Variants in LRRC71 observed in about 807,000 individuals in gnomAD.
LRRC71 encodes leucine-rich repeat-containing protein 71.
LRRC71 carries 54 observed loss-of-function variants against 66.6 expected under a neutral mutation model. The ratio of observed to expected loss-of-function variants is 0.81; its 90% CI spans 0.65 to 1.02. The LOEUF is 1.02. LRRC71 is among the 50% of genes least tolerant of loss of function. The pLI, the probability that LRRC71 is intolerant of heterozygous loss-of-function variation, is 0.00. For synonymous variants in LRRC71, 323 were observed against 303.9 expected (o/e 1.06, Z -0.65); for missense variants, 724 against 718.0 (o/e 1.01, Z -0.10).
intron 12 of LRRC71, among the ~76,000 whole-genome samples, chr1:156,931,061 C>T (rs1269307248): frequency 6.6e-6 from 1 of 152,280 alleles, no homozygotes; most frequent in Non-Finnish European, 1.5e-5. Context: ...CACTGCCCCA[C>T]GCTACCCTGT....
chr1:156,927,906 C>T lies in LRRC71; in HGVS notation c.907-9C>T, dbSNP rs1653480132. 3.1e-6 allele frequency: 5 copies of T among 1,611,196 alleles called. No individual in the cohort carries two copies. The highest frequency in any genetic ancestry group is 1.1e-5 in the South Asian group (1 of 90,576). ...AGGCGTCCGACCGCTGAGCGCCCGC[C>T]TCCTTCAGGTCCTGCGCGCCTTCGA... On this transcript the variant is annotated splice_polypyrimidine_tract_variant and intron_variant, in intron 8 of 14. Coordinates refer to ENST00000337428, the MANE Select transcript of LRRC71 (RefSeq NM_144702.3).
At chr1:156,924,229 C>A in intron 2 of LRRC71, 131 bp downstream of exon 2, 1 of 1,255,738 alleles carries the variant, frequency 8.0e-7, no homozygotes, top group Non-Finnish European at 1.1e-6. Context: ...TTCGACGAGG[C>A]CGGTGGGGAG....
At chr1:156,923,693 G>C (rs1652735428) in intron 1 of LRRC71, among the ~76,000 whole-genome samples, 1 of 152,214 alleles carries the variant, frequency 6.6e-6, no homozygotes, top group Non-Finnish European at 1.5e-5. Context: ...CTTTGACCTG[G>C]GGGTGGGGAA....
At chr1:156,936,058 C>T (rs1654995388), downstream of LRRC71, 1 of 1,613,800 alleles carries the variant, frequency 6.2e-7, no homozygotes, top group African/African-American at 1.3e-5. Flanking sequence ...GGCGTCAGAG[C>T]CTGTGGGAGG....
At chr1:156,930,077 T>TTTTTCTTTCTTTCTTTCTTTTC (rs764163242) in intron 11 of LRRC71, among the ~76,000 whole-genome samples, 3 of 36,742 alleles carry the variant, frequency 8.2e-5, no homozygotes, top group South Asian at 1.1e-3. Context: ...TCTTTCTTTC[T>TTTTTCTTTCTTTCTTTCTTTTC]TTTCTTTCTT....
chr1:156,928,488 C>T (rs1403052850), intron 9 of LRRC71, among the ~76,000 whole-genome samples: 1 of 128,504 alleles, frequency 7.8e-6, no homozygotes, highest in Non-Finnish European at 1.6e-5. Context: ...CTTCCTCCTC[C>T]TCCTCTTCTT....
chr1:156,927,857 C>G, intron 8 of LRRC71, 41 bp downstream of exon 8: 5 of 1,611,142 alleles, frequency 3.1e-6, no homozygotes, highest in Non-Finnish European at 4.2e-6. Context: ...GTGGGCGGGC[C>G]GAGGGAGCCG....
rs941522743 is a variant in LRRC71 at position 156,920,786 on chromosome 1, G to T, written c.-18G>T. ...CTGCCCCGACGAAGGTCCCAGAGAC[G>T]CTGCGGACAACACCAGCATGTCGAG... is the stretch of plus-strand genomic sequence containing the variant. On this transcript the variant is annotated 5_prime_UTR_variant, in exon 1 of 15. Coordinates refer to ENST00000337428, the MANE Select transcript of LRRC71 (RefSeq NM_144702.3). This position sits in a 1 kb window ranked among gnomAD's most constrained non-coding sequence, Gnocchi z 4.9. The T allele has an allele frequency of 1.1e-5, 17 of 1,495,220 alleles. No homozygotes were observed. The highest frequency in any genetic ancestry group is 1.5e-5 in the Non-Finnish European group (17 of 1,118,246). 92.6% of individuals were successfully genotyped at this position (1,495,220 alleles called of 1,614,324 possible). A position where few individuals can be genotyped will look rare whatever the true frequency, so the allele number is the denominator to read the frequency against.
downstream of LRRC71, chr1:156,933,228 TCA>T: frequency 2.4e-6 from 1 of 425,082 alleles, no homozygotes; most frequent in East Asian, 3.9e-5. Flanking sequence ...TCCTCTGGCC[TCA>T]GTTAGCCAGG....
At chr1:156,936,881 G>A (rs1041575272), downstream of LRRC71, 1 of 1,614,152 alleles carries the variant, frequency 6.2e-7, no homozygotes, top group Non-Finnish European at 8.5e-7. Flanking sequence ...CTCCTTAGCG[G>A]GAGGTGAGAG....
In LRRC71 at chr1:156,924,661, G is replaced by C; in HGVS notation, c.458G>C (p.Arg153Pro). The change falls in exon 4 of 15, where the codon CGG (arginine) becomes CCG (proline). Residue 153 changes from arginine to proline, a missense_variant. Arg to Pro is a moderately radical substitution (Grantham distance 103). Transcript: ENST00000337428. ...IYIRGWKVEE[R>P]ILGVFSKCLP... Reference sequence around the variant, plus strand: ...CCCGCAGGTTGGAAGGTTGAGGAACGGATTCTGGGTGTCTTCTCTAAATGT... The same window carrying C: ...CCCGCAGGTTGGAAGGTTGAGGAACCGATTCTGGGTGTCTTCTCTAAATGT... 2 of 1,549,364 alleles carry C rather than the reference G, an allele frequency of 1.3e-6. No homozygotes were observed. Among genetic ancestry groups the C allele is most frequent in the South Asian group, 2.4e-5 (2 of 83,946 alleles).
chr1:156,924,082 G>A lies in LRRC71; in HGVS notation c.294G>A (p.Ser98=), dbSNP rs1226539698. Residue 98 remains serine (S), a synonymous_variant, in exon 2 of 15, where the codon TCG becomes TCA. Coordinates refer to ENST00000337428, the MANE Select transcript of LRRC71 (RefSeq NM_144702.3). ...HPPFVPSASL[S]EKATLDDPRL... Reference sequence around the variant, plus strand: ...CCTTCGTCCCCTCCGCCTCTTTGTCGGAAAAGGCCACCTTAGGTGAGTGAC... The same window carrying A: ...CCTTCGTCCCCTCCGCCTCTTTGTCAGAAAAGGCCACCTTAGGTGAGTGAC... 6.5e-6 allele frequency: 10 copies of A among 1,549,296 alleles called. No homozygotes were observed. The East Asian group carries it at 9.8e-5, about 15-fold the overall frequency.
rs538965135 is a variant in LRRC71 at position 156,928,736 on chromosome 1, A to G, written c.997-544A>G. ...CAGGTATGTGCCACCATGCCCAGCTAATTTTTGTATTTTTTAGTAAGATGG... is the reference window on the plus strand; with the variant it reads ...CAGGTATGTGCCACCATGCCCAGCTGATTTTTGTATTTTTTAGTAAGATGG... On this transcript the variant is annotated intron_variant, in intron 9 of 14. Transcript: ENST00000337428. Among the ~76,000 whole-genome samples the G allele has an allele frequency of 9.0e-4, 136 of 150,590 alleles. No homozygotes were observed. The Middle Eastern group carries it at 0.017, about 19-fold the overall frequency.
In LRRC71 at chr1:156,927,203, A is replaced by T; in HGVS notation, c.595A>T (p.Lys199Ter). ...LLPLCSSTLRKVSLEGNPLPE... is the reference protein window; with the variant it reads ...LLPLCSSTLR ...TTCTCAGATCTCCCCTGCCCTCAGG[A>T]AGGTGTCTCTGGAGGGGAACCCACT... is the stretch of plus-strand genomic sequence containing the variant. Residue 199 changes from lysine to a stop codon, truncating the protein, a stop_gained and splice_region_variant, in exon 6 of 15, where the codon AAG (lysine) becomes TAG (stop). Transcript: ENST00000337428. LOFTEE classifies it high-confidence loss of function. 6.2e-7 allele frequency: 1 copy of T among 1,612,156 alleles called. No homozygotes were observed. The highest frequency in any genetic ancestry group is 8.5e-7 in the Non-Finnish European group (1 of 1,179,174).
chr1:156,936,716 T>G, downstream of LRRC71: 1 of 1,367,950 alleles, frequency 7.3e-7, no homozygotes, highest in Non-Finnish European at 1.0e-6. Flanking sequence ...GGGAAACCAC[T>G]CTCAGAACCA....
At chr1:156,927,889 G>A (rs1486236649) in intron 8 of LRRC71, 26 bp from the exon 9 acceptor site, 13 of 1,610,148 alleles carry the variant, frequency 8.1e-6, no homozygotes, top group Admixed American at 3.4e-5. Flanking sequence ...CCAGGCGTCC[G>A]ACCGCTGAGC....
chr1:156,937,479 T>G (rs537627128), downstream of LRRC71: 28 of 1,529,378 alleles, frequency 1.8e-5, no homozygotes, highest in South Asian at 3.3e-4. Context: ...GATGGCATGC[T>G]GACATAAAAG....
At position 156,931,910 on chromosome 1, in the gene LRRC71, T is replaced by C. The variant is rs199606423; in HGVS notation, c.1330-6T>C. On this transcript the variant is annotated splice_region_variant and splice_polypyrimidine_tract_variant and intron_variant, in intron 12 of 14. Transcript: ENST00000337428. ...GTCTGCTGCAATTAGTATTCTGCTT[T>C]AGCAGCTGGTTGTTGAGGCTACTGA... The C allele has an allele frequency of 7.3e-4, 1,145 of 1,572,828 alleles. 12 individuals are homozygous for C. Among genetic ancestry groups the C allele is most frequent in the Non-Finnish European group, 1.5e-4 (169 of 1,157,740 alleles).
Position 156,925,032 on chromosome 1 carries a change from G to GC in LRRC71, c.593+22dup. On this transcript the variant is annotated intron_variant, in intron 5 of 14. Coordinates refer to ENST00000337428, the MANE Select transcript of LRRC71 (RefSeq NM_144702.3). ...CACGCTCAGGTCAGCAGACTGGGAG[G>GC]CCCCCTGTGCCTGGGAAGCCTGGCT... 6.4e-7 allele frequency: 1 copy of GC among 1,551,176 alleles called. No homozygotes were observed. Among genetic ancestry groups the GC allele is most frequent in the Non-Finnish European group, 8.7e-7 (1 of 1,146,712 alleles).
Sources: allele counts gnomAD v4.1 joint callset (sites outside exome capture counted in the v4.1 genomes callset), GRCh38; gene constraint gnomAD v4.1.1; non-coding constraint Gnocchi (gnomAD v3.1); transcripts MANE v1.5; gene names NCBI Gene and HGNC (gene_info 2026-07-23, HGNC 2026-07-21).